The following MYH15 variants were observed in gnomAD, a reference collection of about 807,000 sequenced individuals.
MYH15 encodes the protein myosin-15.
A neutral mutation model predicts 240.5 loss-of-function variants in MYH15; 227 were observed. The observed-to-expected ratio is 0.94, with a 90% CI of 0.85 to 1.05. The LOEUF is 1.05. Among genes scored for constraint, MYH15 ranks in the 50% least tolerant of loss-of-function variants. The pLI is 0.00. For missense variants in MYH15, 2,217 were observed against 2,247.5 expected (o/e 0.99, Z 0.27); for synonymous variants, 785 against 796.7 (o/e 0.99, Z 0.25).
chr3:108,481,005 C>T (rs1243993331), intron 11 of MYH15, among the ~76,000 whole-genome samples: 1 of 152,060 alleles, frequency 6.6e-6, no homozygotes, highest in Non-Finnish European at 1.5e-5. Flanking sequence ...AAATTCAACA[C>T]CTCCATTTTT....
In MYH15 at chr3:108,470,704, G is replaced by T. The variant is rs368870976; in HGVS notation, c.1377C>A (p.Ile459=). Residue 459 remains isoleucine, a synonymous_variant, in exon 13 of 41, where the codon ATC becomes ATA. Transcript: ENST00000693548. Reference sequence around the variant, plus strand: ...TCTTACCAGATACACTTACCTCAAGGATTTCAAAACCAGTGATGTCAAGAA... The same window carrying T: ...TCTTACCAGATACACTTACCTCAAGTATTTCAAAACCAGTGATGTCAAGAA... ...IGILDITGFE[I]LEYNSLEQLC... The T allele has an allele frequency of 1.1e-5, 18 of 1,613,210 alleles. No individual in the cohort carries two copies. In the African/African-American group the frequency reaches 1.9e-4, roughly 17 times the overall value.
chr3:108,448,868 T>G (rs1205212384), intron 21 of MYH15, among the ~76,000 whole-genome samples: 1 of 150,188 alleles, frequency 6.7e-6, no homozygotes, highest in Non-Finnish European at 1.5e-5. Flanking sequence ...TAGAAAACCC[T>G]AAAAACCACC....
At position 108,470,165 on chromosome 3, in the gene MYH15, T is replaced by C. The variant is rs2083159861; in HGVS notation, c.1431A>G (p.Leu477=). ...ACATGTGCCAATTGAAGAATTGTTG[T>C]AATTTTTCATTGGTAAAATTAATGC... ...QLCINFTNEK[L]QQFFNWHMFV... Residue 477 remains leucine, a synonymous_variant, in exon 14 of 41, where the codon TTA becomes TTG. Coordinates refer to ENST00000693548, the MANE Select transcript of MYH15 (RefSeq NM_014981.3). The C allele has an allele frequency of 6.2e-7, 1 of 1,610,008 alleles. No homozygotes were observed. The highest frequency in any genetic ancestry group is 8.5e-7 in the Non-Finnish European group (1 of 1,178,162).
the MYH15 span, among the ~76,000 whole-genome samples, chr3:108,547,720 C>T: frequency 2.0e-5 from 3 of 152,192 alleles, no homozygotes; most frequent in African/African-American, 4.8e-5. Context: ...ATTTTCAGTA[C>T]ATTATAAAAT....
At position 108,439,688 on chromosome 3, in the gene MYH15, T is replaced by C. The variant is rs529740430; in HGVS notation, c.3075+49A>G. 13 of 1,356,010 alleles carry C rather than the reference T, an allele frequency of 9.6e-6. No homozygotes were observed. The South Asian group carries it at 2.0e-4, about 21-fold the overall frequency. 84.0% of individuals were successfully genotyped at this position (1,356,010 alleles called of 1,614,324 possible). On this transcript the variant is annotated intron_variant, in intron 24 of 40. Transcript: ENST00000693548. Reference sequence around the variant, plus strand: ...ATTAATGAAGTAAAAACTGGAGTTATGTGTATATGTAGACAGATAGATAAC... The same window carrying C: ...ATTAATGAAGTAAAAACTGGAGTTACGTGTATATGTAGACAGATAGATAAC...
chr3:108,533,862 C>T (rs1393701506), upstream of MYH15, among the ~76,000 whole-genome samples: 1 of 152,184 alleles, frequency 6.6e-6, no homozygotes, highest in African/African-American at 2.4e-5. Context: ...AACTGCTACC[C>T]TGCCTTCCCC....
intron 7 of MYH15, among the ~76,000 whole-genome samples, chr3:108,494,470 T>C (rs953220026): frequency 1.3e-5 from 2 of 152,056 alleles, no homozygotes; most frequent in South Asian, 4.1e-4. Flanking sequence ...TCTTTCCAAC[T>C]TTTCTCTCCT....
At chr3:108,526,904 G>A (rs1436331951) in intron 1 of MYH15, among the ~76,000 whole-genome samples, 2 of 152,138 alleles carry the variant, frequency 1.3e-5, no homozygotes, top group Non-Finnish European at 2.9e-5. Flanking sequence ...CAAACGCAGT[G>A]AGTTAAAATT....
intron 1 of MYH15, among the ~76,000 whole-genome samples, chr3:108,527,217 G>A (rs1406082779): frequency 3.3e-5 from 5 of 152,106 alleles, no homozygotes; most frequent in Non-Finnish European, 7.4e-5. Flanking sequence ...TAGACTAGAG[G>A]AATTTTCCAC....
At chr3:108,444,252 G>A (rs562876519) in intron 22 of MYH15, among the ~76,000 whole-genome samples, 17 of 152,116 alleles carry the variant, frequency 1.1e-4, no homozygotes, top group South Asian at 1.0e-3. Flanking sequence ...CAGGATATCC[G>A]ACTAGAAGCA....
chr3:108,517,521 T>C (rs1576279859), intron 1 of MYH15, among the ~76,000 whole-genome samples: 1 of 152,014 alleles, frequency 6.6e-6, no homozygotes, highest in African/African-American at 2.4e-5. Flanking sequence ...TTAGTAGGAA[T>C]GGGGTTTCAC....
intron 29 of MYH15, among the ~76,000 whole-genome samples, chr3:108,414,677 C>T (rs1449316008): frequency 1.3e-5 from 2 of 152,132 alleles, no homozygotes; most frequent in East Asian, 1.9e-4. Context: ...GCTCTGTGGA[C>T]TTAGACAGGC....
intron 2 of MYH15, among the ~76,000 whole-genome samples, chr3:108,502,893 C>T (rs1023169804): frequency 6.6e-6 from 1 of 152,124 alleles, no homozygotes; most frequent in Non-Finnish European, 1.5e-5. Flanking sequence ...CCCTCAAACC[C>T]ATGCAGAACG....
At chr3:108,397,454 G>T (rs1236673591) in intron 35 of MYH15, among the ~76,000 whole-genome samples, 1 of 152,188 alleles carries the variant, frequency 6.6e-6, no homozygotes, top group Non-Finnish European at 1.5e-5. Context: ...AAGGCTTTCT[G>T]TAGGGGTGTG....
At chr3:108,516,850 T>C (rs1183113894) in intron 1 of MYH15, among the ~76,000 whole-genome samples, 1 of 152,194 alleles carries the variant, frequency 6.6e-6, no homozygotes, top group African/African-American at 2.4e-5. Context: ...ATTTAAAGCA[T>C]TTACTTCAAA....
chr3:108,426,581 A>G (rs1278531125), intron 27 of MYH15, among the ~76,000 whole-genome samples: 1 of 152,254 alleles, frequency 6.6e-6, no homozygotes, highest in Non-Finnish European at 1.5e-5. Flanking sequence ...TGCAGGAGAT[A>G]TGGAAGCATA....
chr3:108,391,670 G>A, intron 37 of MYH15, 90 bp downstream of exon 37: 1 of 1,336,372 alleles, frequency 7.5e-7, no homozygotes, highest in Non-Finnish European at 1.0e-6. Context: ...AAGGGTATGT[G>A]TGTTGGGGGG....
At chr3:108,420,264 T>C (rs1320296848) in intron 28 of MYH15, among the ~76,000 whole-genome samples, 1 of 152,186 alleles carries the variant, frequency 6.6e-6, no homozygotes, top group Non-Finnish European at 1.5e-5. Flanking sequence ...CATACATCAA[T>C]GAGCAAAGAC....
chr3:108,541,786 A>T, the MYH15 span, among the ~76,000 whole-genome samples: 1 of 152,160 alleles, frequency 6.6e-6, no homozygotes, highest in Non-Finnish European at 1.5e-5. Flanking sequence ...TATATTGATC[A>T]ATGAAATATT....
Sources: gnomAD v4.1 joint callset for allele counts (sites outside exome capture counted in the v4.1 genomes callset) on GRCh38, gnomAD v4.1.1 for gene constraint, MANE v1.5 for transcripts, NCBI Gene and HGNC (gene_info 2026-07-23, HGNC 2026-07-21) for gene names.